Variants in IL16 observed in about 807,000 individuals in gnomAD.
IL16 encodes interleukin 16, also known as pro-interleukin-16.
A neutral mutation model predicts 110.1 loss-of-function variants in IL16; 67 were observed. That is an observed-to-expected ratio of 0.61 (90% confidence interval 0.50 to 0.75). The LOEUF (loss-of-function observed/expected upper bound fraction) is 0.75. Among genes scored for constraint, IL16 ranks in the 30% least tolerant of loss-of-function variants. The probability of loss-of-function intolerance (pLI) is 0.00; values close to 1 mark genes in which losing one functional copy is unlikely to be tolerated. For synonymous variants in IL16, 689 were observed against 662.9 expected (o/e 1.04, Z -0.61); for missense variants, 1,545 against 1,655.0 (o/e 0.93, Z 1.15).
rs977609157 is a variant in IL16, at chr15:81,312,502, G to A, written c.*3704G>A. On this transcript the variant is annotated 3_prime_UTR_variant, in exon 19 of 19. Coordinates refer to ENST00000683961, the MANE Select transcript of IL16 (RefSeq NM_172217.5). ...TCCCCAGAGTTCCCCATGCAGACAT[G>A]AGTGCGTGCTCAGTTCAGAATCACT... 6.6e-6 allele frequency: 1 copy of A among 152,302 alleles called. No individual in the cohort carries two copies. Among genetic ancestry groups the A allele is most frequent in the Admixed American group, 6.5e-5 (1 of 15,294 alleles). The allele number at this position is 152,302 out of a possible 1,614,324, so 9.4% of individuals were successfully genotyped here.
intron 8 of IL16, among the ~76,000 whole-genome samples, chr15:81,280,454 G>A (rs1169765256): frequency 1.3e-5 from 2 of 152,210 alleles, no homozygotes; most frequent in African/African-American, 4.8e-5. Context: ...CTTCTAACTG[G>A]AGTTGGAAAT....
Position 81,275,820 on chromosome 15 carries a change from A to T in IL16, c.790+2616A>T, listed in dbSNP as rs114097646. Among the ~76,000 whole-genome samples the T allele has an allele frequency of 3.6e-3, 551 of 152,322 alleles. 4 individuals carry two copies. The highest frequency in any genetic ancestry group is 0.013 in the African/African-American group (528 of 41,578). On this transcript the variant is annotated intron_variant, in intron 6 of 18. Coordinates refer to ENST00000683961, the MANE Select transcript of IL16 (RefSeq NM_172217.5). ...ATCTTGAATTCAGGGCAAATACATT[A>T]GTTGCAACAAAAGTTTGGTGTACAG...
intron 12 of IL16, among the ~76,000 whole-genome samples, chr15:81,295,926 A>G (rs1899961209): frequency 6.6e-6 from 1 of 152,204 alleles, no homozygotes; most frequent in South Asian, 2.1e-4. Context: ...CAAATGGCCC[A>G]TCATTACACA....
intron 2 of IL16, among the ~76,000 whole-genome samples, chr15:81,247,084 T>C (rs907118541): frequency 1.4e-5 from 2 of 147,492 alleles, no homozygotes; most frequent in Non-Finnish European, 3.0e-5. Flanking sequence ...TCCTTTTTTT[T>C]TTTTTTTTTT....
chr15:81,199,344 T>C (rs1406423412), intron 1 of IL16, among the ~76,000 whole-genome samples: 1 of 152,082 alleles, frequency 6.6e-6, no homozygotes, highest in African/African-American at 2.4e-5. Flanking sequence ...TGTTGCTCAG[T>C]GTGTGCCAGA....
chr15:81,289,903 G>C (rs1362832006), intron 10 of IL16: 1 of 453,376 alleles, frequency 2.2e-6, no homozygotes. Flanking sequence ...TTATTTTACA[G>C]AAGGAAGAAA....
At chr15:81,284,288 C>T (rs779103035) in intron 9 of IL16, among the ~76,000 whole-genome samples, 1 of 152,176 alleles carries the variant, frequency 6.6e-6, no homozygotes, top group Non-Finnish European at 1.5e-5. Context: ...TTTTGCCATC[C>T]TTTTAAAGGG....
intron 1 of IL16, among the ~76,000 whole-genome samples, chr15:81,185,270 C>T (rs894927381): frequency 1.3e-5 from 2 of 152,210 alleles, no homozygotes; most frequent in Non-Finnish European, 2.9e-5. Context: ...CCGTCTCCTC[C>T]TAATTTCCTA....
Position 81,313,695 on chromosome 15 carries a change from T to G in IL16, c.*4897T>G, listed in dbSNP as rs897349593. ...CCTGCTGCCCGATTCACTCAGCAAATGCTTTCAGAGAACTCACTTTGTGCC... is the reference window on the plus strand; with the variant it reads ...CCTGCTGCCCGATTCACTCAGCAAAGGCTTTCAGAGAACTCACTTTGTGCC... On this transcript the variant is annotated 3_prime_UTR_variant, in exon 19 of 19. Transcript: ENST00000683961. The G allele has an allele frequency of 4.3e-6, 1 of 229,900 alleles. No individual in the cohort carries two copies. 14.2% of individuals were successfully genotyped at this position (229,900 alleles called of 1,614,324 possible). A position where few individuals can be genotyped will look rare whatever the true frequency, so the allele number is the denominator to read the frequency against.
intron 1 of IL16, among the ~76,000 whole-genome samples, chr15:81,209,200 T>C (rs1251756443): frequency 5.3e-5 from 8 of 152,100 alleles, no homozygotes; most frequent in Admixed American, 5.2e-4. Flanking sequence ...ACCAGATCAT[T>C]CTTATTTCTG....
intron 12 of IL16, 111 bp from the exon 13 acceptor site, chr15:81,296,817 C>A: frequency 1.0e-6 from 1 of 959,034 alleles, no homozygotes; most frequent in Non-Finnish European, 1.6e-6. Flanking sequence ...ATGAACTTCT[C>A]ACTGAAAGCA....
intron 2 of IL16, among the ~76,000 whole-genome samples, chr15:81,256,136 C>T (rs1220388586): frequency 6.6e-6 from 1 of 152,076 alleles, no homozygotes; most frequent in East Asian, 1.9e-4. Flanking sequence ...TGGAACAGTG[C>T]CTGGTACAGA....
intron 1 of IL16, among the ~76,000 whole-genome samples, chr15:81,186,024 G>T (rs560004377): frequency 3.3e-5 from 5 of 152,216 alleles, no homozygotes; most frequent in African/African-American, 1.2e-4. Flanking sequence ...TCTTTTTGCT[G>T]GTGGGGCAAG....
At chr15:81,264,252 C>CA (rs1567024689) in intron 3 of IL16, among the ~76,000 whole-genome samples, 1 of 152,172 alleles carries the variant, frequency 6.6e-6, no homozygotes, top group Non-Finnish European at 1.5e-5. Context: ...CCCTGTAACT[C>CA]AGAGAGGGCC....
rs1378117091 is a variant in IL16, at chr15:81,310,701, A to C, written c.*1903A>C. ...TGTGCACGCAGTGGCCTTCCCTAAA[A>C]TCAGGGAATTGTTTTAAGTCTTATC... On this transcript the variant is annotated 3_prime_UTR_variant, in exon 19 of 19. Coordinates refer to ENST00000683961, the MANE Select transcript of IL16 (RefSeq NM_172217.5). 6.6e-6 allele frequency: 1 copy of C among 152,180 alleles called. No homozygotes were observed. The highest frequency in any genetic ancestry group is 1.5e-5 in the Non-Finnish European group (1 of 68,044). The allele number at this position is 152,180 out of a possible 1,614,324, so 9.4% of individuals were successfully genotyped here.
intron 2 of IL16, among the ~76,000 whole-genome samples, chr15:81,229,469 T>A (rs4095327): frequency 6.6e-6 from 1 of 151,732 alleles, no homozygotes; most frequent in African/African-American, 2.4e-5. Flanking sequence ...GGAGTCAAGT[T>A]TGAGGCAGGG....
chr15:81,256,775 A>G (rs2142170572), intron 2 of IL16, among the ~76,000 whole-genome samples: 1 of 152,340 alleles, frequency 6.6e-6, no homozygotes, highest in East Asian at 1.9e-4. Flanking sequence ...CTTGCTCCTC[A>G]TGGATAAGTA....
chr15:81,263,562 G>C (rs1395656601), intron 3 of IL16, among the ~76,000 whole-genome samples: 1 of 152,132 alleles, frequency 6.6e-6, no homozygotes, highest in Non-Finnish European at 1.5e-5. Context: ...GAGAGTTTTG[G>C]AGAACCCACT....
At chr15:81,282,537 C>T in intron 8 of IL16, 102 bp from the exon 9 acceptor site, 1 of 821,242 alleles carries the variant, frequency 1.2e-6, no homozygotes, top group Non-Finnish European at 2.1e-6. Context: ...GGGATGAAAG[C>T]TGTAATAACC....
Sources: gnomAD v4.1 joint callset for allele counts (sites outside exome capture counted in the v4.1 genomes callset) on GRCh38, gnomAD v4.1.1 for gene constraint, MANE v1.5 for transcripts, NCBI Gene and HGNC (gene_info 2026-07-23, HGNC 2026-07-21) for gene names.